Variants in PIEZO2 observed in about 807,000 individuals in gnomAD.
PIEZO2 encodes the protein piezo type mechanosensitive ion channel component 2, also known as piezo-type mechanosensitive ion channel component 2.
A neutral mutation model predicts 337.3 loss-of-function variants in PIEZO2; 172 were observed. The ratio of observed to expected loss-of-function variants is 0.51; its 90% CI spans 0.45 to 0.58. The LOEUF (loss-of-function observed/expected upper bound fraction) is 0.58. Among genes scored for constraint, PIEZO2 ranks in the 20% least tolerant of loss-of-function variants. The pLI, the probability that PIEZO2 is intolerant of heterozygous loss-of-function variation, is 0.00. For missense variants in PIEZO2, 3,028 were observed against 3,391.3 expected (o/e 0.89, Z 2.66); for synonymous variants, 1,251 against 1,228.5 (o/e 1.02, Z -0.38).
chr18:11,121,089 C>A (rs1032418502), intron 1 of PIEZO2, among the ~76,000 whole-genome samples: 2 of 151,966 alleles, frequency 1.3e-5, no homozygotes, highest in African/African-American at 4.8e-5. Context: ...CCTGTCTCTA[C>A]TAAAAATACA....
chr18:10,791,886 T>C (rs911563046), intron 13 of PIEZO2, among the ~76,000 whole-genome samples: 15 of 152,178 alleles, frequency 9.9e-5, no homozygotes, highest in Non-Finnish European at 5.9e-5. Context: ...ATCAAAAACC[T>C]TTTGATTTAG....
chr18:10,764,293 T>C (rs1297049364), intron 21 of PIEZO2, among the ~76,000 whole-genome samples: 2 of 152,062 alleles, frequency 1.3e-5, no homozygotes, highest in East Asian at 3.9e-4. Flanking sequence ...CCAAGCATTG[T>C]GGGCTAAGCA....
Position 11,096,309 on chromosome 18 carries a change from A to C in PIEZO2, c.65-30087T>G, listed in dbSNP as rs2039262815. On this transcript the variant is annotated intron_variant, in intron 1 of 55. Transcript: ENST00000674853. This position sits in a 1 kb window ranked among gnomAD's most constrained non-coding sequence, Gnocchi z 4.6. ...CATTAGGGGCCATGTCCTGCTACCA[A>C]ATACCATTTCATTGGCTTCTGTGAT... Among the ~76,000 whole-genome samples the C allele has an allele frequency of 2.0e-5, 3 of 152,216 alleles. No homozygotes were observed. The highest frequency in any genetic ancestry group is 4.4e-5 in the Non-Finnish European group (3 of 68,028).
chr18:11,141,987 G>A lies in PIEZO2; in HGVS notation c.64+6538C>T, dbSNP rs114150851. On this transcript the variant is annotated intron_variant, in intron 1 of 55. Transcript: ENST00000674853. ...TATAAAATATATTTATAATTTGCAA[G>A]TTCATATACAAAAGGAGTTTAAATA... 1.8e-3 allele frequency among the ~76,000 whole-genome samples: 274 copies of A among 152,202 alleles called. 1 individual carries two copies. Among genetic ancestry groups the A allele is most frequent in the African/African-American group, 6.5e-3 (270 of 41,518 alleles).
At chr18:11,107,883 T>A (rs8086516) in intron 1 of PIEZO2, among the ~76,000 whole-genome samples, 18,105 of 152,244 alleles carry the variant, frequency 0.12, 1,456 homozygotes, top group African/African-American at 0.23. Flanking sequence ...ACATATTTGC[T>A]GCTTGGCAAC....
At chr18:10,917,963 T>C (rs991382016) in intron 3 of PIEZO2, among the ~76,000 whole-genome samples, 1 of 152,194 alleles carries the variant, frequency 6.6e-6, no homozygotes, top group Non-Finnish European at 1.5e-5. Flanking sequence ...TTACCATGCA[T>C]TGAACACTGA....
In PIEZO2 at chr18:11,101,174, C is replaced by A. The variant is rs2039409408; in HGVS notation, c.65-34952G>T. On this transcript the variant is annotated intron_variant, in intron 1 of 55. Transcript: ENST00000674853. This position sits in a 1 kb window ranked among gnomAD's most constrained non-coding sequence, Gnocchi z 4.4. Reference sequence around the variant, plus strand: ...CCTAAATCAGGTTCATCCACTCAAGCCCATTTTGGGCTCATTCCATCTGGG... The same window carrying A: ...CCTAAATCAGGTTCATCCACTCAAGACCATTTTGGGCTCATTCCATCTGGG... 6.6e-6 allele frequency among the ~76,000 whole-genome samples: 1 copy of A among 152,218 alleles called. No individual in the cohort carries two copies. The highest frequency in any genetic ancestry group is 1.5e-5 in the Non-Finnish European group (1 of 68,046).
In PIEZO2 at chr18:11,126,370, C is replaced by T. The variant is rs926607893; in HGVS notation, c.64+22155G>A. On this transcript the variant is annotated intron_variant, in intron 1 of 55. Coordinates refer to ENST00000674853, the MANE Select transcript of PIEZO2 (RefSeq NM_001378183.1). The surrounding 1 kb of genome is among the most constrained non-coding windows in gnomAD (Gnocchi z 4.6). Reference sequence around the variant, plus strand: ...TGCAAGGACTCACCTCATTGCACTGCGCCAGCCTGAGCGCCCATGGCCACA... The same window carrying T: ...TGCAAGGACTCACCTCATTGCACTGTGCCAGCCTGAGCGCCCATGGCCACA... 6.6e-5 allele frequency among the ~76,000 whole-genome samples: 10 copies of T among 152,184 alleles called. No homozygotes were observed. The highest frequency in any genetic ancestry group is 1.9e-4 in the African/African-American group (8 of 41,448).
In PIEZO2 at chr18:10,716,269, A is replaced by G. The variant is rs869273; in HGVS notation, c.5090-453T>C. On this transcript the variant is annotated intron_variant, in intron 37 of 55. Transcript: ENST00000674853. This position sits in a 1 kb window ranked among gnomAD's most constrained non-coding sequence, Gnocchi z 4.1. Reference sequence around the variant, plus strand: ...CCCCTCTTCTTCCTCCTCCTCCTCAACCCACTCAAGGGAAGGACGATGAGG... The same window carrying G: ...CCCCTCTTCTTCCTCCTCCTCCTCAGCCCACTCAAGGGAAGGACGATGAGG... 0.14 allele frequency among the ~76,000 whole-genome samples: 20,617 copies of G among 151,928 alleles called. 1,983 individuals are homozygous for G. The highest frequency in any genetic ancestry group is 0.27 in the East Asian group (1,402 of 5,178).
At chr18:11,063,868 TGC>T (rs2038057178) in intron 2 of PIEZO2, among the ~76,000 whole-genome samples, 1 of 152,146 alleles carries the variant, frequency 6.6e-6, no homozygotes, top group Non-Finnish European at 1.5e-5. Flanking sequence ...TAGAAAGCCA[TGC>T]TGCATTCACT....
rs2146046979 is a variant in PIEZO2, at chr18:11,092,305, G to A, written c.65-26083C>T. On this transcript the variant is annotated intron_variant, in intron 1 of 55. Coordinates refer to ENST00000674853, the MANE Select transcript of PIEZO2 (RefSeq NM_001378183.1). The surrounding 1 kb of genome is among the most constrained non-coding windows in gnomAD (Gnocchi z 4.5). Reference sequence around the variant, plus strand: ...AATACTGTTCATCCATTTGAAATTAGCTTGACAGAGTATTTGCCAAGAGAT... The same window carrying A: ...AATACTGTTCATCCATTTGAAATTAACTTGACAGAGTATTTGCCAAGAGAT... Among the ~76,000 whole-genome samples the A allele has an allele frequency of 6.6e-6, 1 of 152,338 alleles. No homozygotes were observed. Among genetic ancestry groups the A allele is most frequent in the Non-Finnish European group, 1.5e-5 (1 of 68,034 alleles).
Position 11,143,427 on chromosome 18 carries a change from T to A in PIEZO2, c.64+5098A>T, listed in dbSNP as rs1000371363. Among the ~76,000 whole-genome samples, 1 of 152,142 alleles carries A rather than the reference T, an allele frequency of 6.6e-6. No homozygotes were observed. Among genetic ancestry groups the A allele is most frequent in the Non-Finnish European group, 1.5e-5 (1 of 68,022 alleles). On this transcript the variant is annotated intron_variant, in intron 1 of 55. Coordinates refer to ENST00000674853, the MANE Select transcript of PIEZO2 (RefSeq NM_001378183.1). The surrounding 1 kb of genome is among the most constrained non-coding windows in gnomAD (Gnocchi z 4.9). Reference sequence around the variant, plus strand: ...AAATAAAATCACATTAAATAAAGACTACAAAAATGGTGCTGAAAAACAAAA... The same window carrying A: ...AAATAAAATCACATTAAATAAAGACAACAAAAATGGTGCTGAAAAACAAAA...
chr18:11,090,391 C>A (rs1206703397), intron 1 of PIEZO2, among the ~76,000 whole-genome samples: 1 of 152,166 alleles, frequency 6.6e-6, no homozygotes, highest in Non-Finnish European at 1.5e-5. Context: ...TGGCTTTAAG[C>A]TCCGAAATAG....
intron 27 of PIEZO2, among the ~76,000 whole-genome samples, chr18:10,755,963 C>T (rs1250696506): frequency 8.9e-6 from 1 of 111,812 alleles, no homozygotes; most frequent in Non-Finnish European, 1.9e-5. Context: ...AAGAGGAGAG[C>T]TAGGGGATGA....
intron 1 of PIEZO2, among the ~76,000 whole-genome samples, chr18:11,121,905 T>C (rs1233914267): frequency 1.4e-4 from 21 of 152,250 alleles, no homozygotes; most frequent in Non-Finnish European, 2.9e-5. Flanking sequence ...ATTCTACTTA[T>C]AAGCTTCATT....
intron 1 of PIEZO2, among the ~76,000 whole-genome samples, chr18:11,145,094 A>G (rs1255466816): frequency 1.3e-5 from 2 of 152,232 alleles, no homozygotes; most frequent in African/African-American, 4.8e-5. Context: ...CATAATATGG[A>G]AAGTCTTTAC....
rs896822676 is a variant in PIEZO2 at position 10,815,866 on chromosome 18, C to T, written c.918-8592G>A. On this transcript the variant is annotated intron_variant, in intron 7 of 55. Coordinates refer to ENST00000674853, the MANE Select transcript of PIEZO2 (RefSeq NM_001378183.1). This position sits in a 1 kb window ranked among gnomAD's most constrained non-coding sequence, Gnocchi z 4.1. ...GTTATACAGCTCATGAGGTGGAGGC[C>T]TAGGTGATGCTTGGTCCTCTCTTAC... 2.6e-5 allele frequency among the ~76,000 whole-genome samples: 4 copies of T among 152,172 alleles called. No homozygotes were observed. The highest frequency in any genetic ancestry group is 7.2e-5 in the African/African-American group (3 of 41,446).
chr18:11,085,956 C>G (rs1170431476), intron 1 of PIEZO2, among the ~76,000 whole-genome samples: 3 of 151,910 alleles, frequency 2.0e-5, no homozygotes, highest in Non-Finnish European at 2.9e-5. Flanking sequence ...GTGTACTACC[C>G]AGGACAGACA....
chr18:10,952,298 C>T lies in PIEZO2; in HGVS notation c.286+27237G>A, dbSNP rs1041422282. Among the ~76,000 whole-genome samples the T allele has an allele frequency of 1.3e-5, 2 of 152,098 alleles. No individual in the cohort carries two copies. The highest frequency in any genetic ancestry group is 4.8e-5 in the African/African-American group (2 of 41,394). On this transcript the variant is annotated intron_variant, in intron 3 of 55. Transcript: ENST00000674853. The surrounding 1 kb of genome is among the most constrained non-coding windows in gnomAD (Gnocchi z 4.1). ...ATAATTTCTCAATTTCTTACAAATC[C>T]ATACAGTCATTTAACTACCACTACT...
Sources: allele counts gnomAD v4.1 joint callset (sites outside exome capture counted in the v4.1 genomes callset), GRCh38; gene constraint gnomAD v4.1.1; non-coding constraint Gnocchi (gnomAD v3.1); transcripts MANE v1.5; gene names NCBI Gene and HGNC (gene_info 2026-07-23, HGNC 2026-07-21).